Variants in HMCN2 observed in about 807,000 individuals in gnomAD.
HMCN2 encodes the protein hemicentin-2.
A neutral mutation model predicts 377.5 loss-of-function variants in HMCN2; 325 were observed. The observed-to-expected ratio is 0.86, with a 90% CI of 0.79 to 0.94. The LOEUF (loss-of-function observed/expected upper bound fraction) is 0.94, where lower values mean the gene tolerates loss of function less well. Ranked by LOEUF, HMCN2 falls within the 40% of genes least tolerant of loss-of-function variation. HMCN2 has a pLI of 0.00. For synonymous variants in HMCN2, 2,007 were observed against 2,046.8 expected, an observed-to-expected ratio of 0.98 and a Z score of 0.53; for missense variants, 4,543 against 4,725.3, an observed-to-expected ratio of 0.96 and a Z score of 1.13.
rs537745128 is a variant in HMCN2 at position 130,379,453 on chromosome 9, T to C, written c.8417T>C (p.Val2806Ala). The C allele has an allele frequency of 3.0e-6, 3 of 985,658 alleles. No individual in the cohort carries two copies. In the South Asian group the frequency reaches 1.4e-4, roughly 46 times the overall value. The allele number at this position is 985,658 out of a possible 1,614,324, so 61.1% of individuals were successfully genotyped here. A position where few individuals can be genotyped will look rare whatever the true frequency, so the allele number is the denominator to read the frequency against. The part of the protein sequence containing the change: ...EDQPLSAGDE[V>A]SVLQGGRVLQ... ...CAGCCCCTCTCGGCCGGGGATGAGG[T>C]GTCTGTGCTGCAAGGTGGGTCAGGG... The change falls in exon 54 of 98, where the codon GTG becomes GCG. Residue 2806 changes from valine to alanine, a missense_variant. Around this residue, in one of 5 missense-constraint regions of HMCN2, gnomAD observed 736 missense variants for 773.2 expected, o/e 0.95. Coordinates refer to ENST00000683500, the MANE Select transcript of HMCN2 (RefSeq NM_001291815.2).
chr9:130,372,171 A>G (rs927746492), intron 46 of HMCN2, 123 bp from the exon 47 acceptor site: 5 of 174,538 alleles, frequency 2.9e-5, no homozygotes, highest in Admixed American at 1.3e-4. Flanking sequence ...AACAGGACAC[A>G]ATGGGAGACA....
intron 1 of HMCN2, among the ~76,000 whole-genome samples, chr9:130,269,117 G>T (rs1323524070): frequency 6.7e-6 from 1 of 148,192 alleles, no homozygotes; most frequent in Non-Finnish European, 1.5e-5. Flanking sequence ...GCGGGTGCGG[G>T]GCAAATCGTG....
intron 85 of HMCN2, among the ~76,000 whole-genome samples, chr9:130,412,514 T>C (rs1463386240): frequency 6.6e-6 from 1 of 152,040 alleles, no homozygotes; most frequent in East Asian, 1.9e-4. Context: ...CTTTTAAAAA[T>C]CTTTGCCTAA....
chr9:130,295,804 A>G (rs1554931878), intron 6 of HMCN2, 32 bp downstream of exon 6: 2 of 468,148 alleles, frequency 4.3e-6, no homozygotes, highest in Non-Finnish European at 4.4e-6. Context: ...AGAAAGGTCG[A>G]CTAGCTTTAC....
At chr9:130,293,279 G>GTTTTTTTTTTCTTTT (rs1835902999) in intron 4 of HMCN2, among the ~76,000 whole-genome samples, 1 of 57,126 alleles carries the variant, frequency 1.8e-5, no homozygotes, top group Non-Finnish European at 2.7e-5. Flanking sequence ...ACTCACTAAA[G>GTTTTTTTTTTCTTTT]TTTTTTTTTT....
rs1401840355 is a variant in HMCN2 at position 130,408,899 on chromosome 9, T to C, written c.12845T>C (p.Leu4282Pro). 2.3e-6 allele frequency: 3 copies of C among 1,289,618 alleles called. No individual in the cohort carries two copies. The highest frequency in any genetic ancestry group is 3.0e-6 in the Non-Finnish European group (3 of 988,878). 79.9% of individuals were successfully genotyped at this position (1,289,618 alleles called of 1,614,324 possible). The change falls in exon 84 of 98, where the codon CTG becomes CCG. Residue 4282 changes from leucine (L) to proline (P), a missense_variant. Transcript: ENST00000683500. ...PLRGSHLRHQ[L>P]QNGSLTIRRT... The stretch of plus-strand genomic sequence containing the variant: ...CGGGGCAGCCACCTCCGGCACCAGC[T>C]GCAGAATGGCTCGCTGACCATCCGC...
At chr9:130,289,054 CGA>C (rs1835582298) in intron 4 of HMCN2, among the ~76,000 whole-genome samples, 3 of 152,214 alleles carry the variant, frequency 2.0e-5, no homozygotes, top group Non-Finnish European at 2.9e-5. Flanking sequence ...TCACTAGCCC[CGA>C]CAGTGGTGGG....
At chr9:130,404,342 G>T (rs1842987484) in intron 80 of HMCN2, among the ~76,000 whole-genome samples, 1 of 152,220 alleles carries the variant, frequency 6.6e-6, no homozygotes, top group Non-Finnish European at 1.5e-5. Flanking sequence ...GCTGGAGTCA[G>T]ACTCTGGCTG....
In HMCN2 at chr9:130,418,994, A is replaced by G; in HGVS notation, c.13184A>G (p.His4395Arg). 6.6e-7 allele frequency: 1 copy of G among 1,505,910 alleles called. No homozygotes were observed. The highest frequency in any genetic ancestry group is 8.9e-7 in the Non-Finnish European group (1 of 1,122,026). 93.3% of individuals were successfully genotyped at this position (1,505,910 alleles called of 1,614,324 possible). ...GCAGGCACCTACGACTGCGTCGCTC[A>G]CAACCTCCTGGGCTCTGCCACAGCC... ...GDAGTYDCVA[H>R]NLLGSATARA... The change falls in exon 86 of 98, where the codon CAC becomes CGC. Residue 4395 changes from histidine (H) to arginine (R), a missense_variant. By Grantham distance (29) the His-to-Arg change is conservative. Coordinates refer to ENST00000683500, the MANE Select transcript of HMCN2 (RefSeq NM_001291815.2).
At chr9:130,406,238 G>A (rs990523026) in intron 82 of HMCN2, 70 bp downstream of exon 82, 2 of 1,216,440 alleles carry the variant, frequency 1.6e-6, no homozygotes, top group Admixed American at 4.6e-5. Context: ...GAGGGCAGGT[G>A]GGGAGACCCA....
intron 54 of HMCN2, among the ~76,000 whole-genome samples, chr9:130,379,941 C>A (rs549111756): frequency 6.6e-6 from 1 of 152,070 alleles, no homozygotes; most frequent in African/African-American, 2.4e-5. Context: ...AATGGTGCAA[C>A]CTTGGCTCAC....
At chr9:130,358,117 C>A in intron 35 of HMCN2, 129 bp downstream of exon 35, 2 of 835,266 alleles carry the variant, frequency 2.4e-6, no homozygotes, top group Non-Finnish European at 3.3e-6. Flanking sequence ...GCCCTCTCAG[C>A]CTGAAAGGGT....
At chr9:130,406,340 G>A (rs1843092548) in intron 82 of HMCN2, 172 bp downstream of exon 82, 2 of 423,988 alleles carry the variant, frequency 4.7e-6, no homozygotes, top group Non-Finnish European at 4.3e-6. Flanking sequence ...AAACCCAGCT[G>A]TGGCCATATG....
At position 130,430,556 on chromosome 9, in the gene HMCN2, C is replaced by T. The variant is rs1198681204; in HGVS notation, c.14599C>T (p.Arg4867Trp). Residue 4867 changes from arginine (R) to tryptophan (W), a missense_variant, in exon 95 of 98, where the codon CGG becomes TGG. Transcript: ENST00000683500. The part of the protein sequence containing the change: ...PGPMALSSVG[R>W]AWCPPGFIRQ... The stretch of plus-strand genomic sequence containing the variant: ...TCCCATGGCCCTGAGCAGTGTGGGC[C>T]GGGCCTGGTGCCCTCCTGGTTTCAT... The T allele has an allele frequency of 2.4e-5, 37 of 1,550,358 alleles. No homozygotes were observed. Among genetic ancestry groups the T allele is most frequent in the Admixed American group, 1.2e-4 (6 of 50,968 alleles).
Position 130,422,705 on chromosome 9 carries a change from C to T in HMCN2, c.13360C>T (p.Arg4454Cys), listed in dbSNP as rs773598230. The part of the protein sequence containing the change: ...SGVSSIHSSI[R>C]HVPANVGPLM... Reference sequence around the variant, plus strand: ...GGTCAGCAGCATCCACAGCAGCATCCGCCATGTCCCAGCAAACGTGGGTGA... The same window carrying T: ...GGTCAGCAGCATCCACAGCAGCATCTGCCATGTCCCAGCAAACGTGGGTGA... The change falls in exon 87 of 98, where the codon CGC becomes TGC. Residue 4454 changes from arginine (R) to cysteine (C), a missense_variant. Coordinates refer to ENST00000683500, the MANE Select transcript of HMCN2 (RefSeq NM_001291815.2). This position sits in a 1 kb window ranked among gnomAD's most constrained non-coding sequence, Gnocchi z 4.2. 1.6e-5 allele frequency: 21 copies of T among 1,282,450 alleles called. 1 individual carries two copies. In the South Asian group the frequency reaches 4.2e-4, roughly 26 times the overall value. The allele number at this position is 1,282,450 out of a possible 1,614,324, so 79.4% of individuals were successfully genotyped here. A position where few individuals can be genotyped will look rare whatever the true frequency, so the allele number is the denominator to read the frequency against.
chr9:130,366,125 G>A (rs573397019), intron 43 of HMCN2, 130 bp downstream of exon 43: 4 of 684,028 alleles, frequency 5.8e-6, no homozygotes, highest in African/African-American at 3.9e-5. Context: ...AGGGGGTGGG[G>A]ATGCTGGTTA....
chr9:130,416,406 C>T (rs7854053), intron 85 of HMCN2, among the ~76,000 whole-genome samples: 4,427 of 152,210 alleles, frequency 0.029, 74 homozygotes, highest in African/African-American at 0.044. Flanking sequence ...CGCCTGGCCT[C>T]GACCTTCATT....
chr9:130,404,444 G>A (rs1842991941), intron 80 of HMCN2, among the ~76,000 whole-genome samples: 1 of 152,164 alleles, frequency 6.6e-6, no homozygotes, highest in African/African-American at 2.4e-5. Context: ...CTGGTCACCA[G>A]ACCAGCCAGA....
intron 75 of HMCN2, among the ~76,000 whole-genome samples, chr9:130,399,078 C>T (rs142993351): frequency 7.2e-5 from 11 of 151,798 alleles, no homozygotes; most frequent in African/African-American, 2.7e-4. Context: ...CATAGTGAGA[C>T]CCCATCTCTA....
Sources: gnomAD v4.1 joint callset for allele counts (sites outside exome capture counted in the v4.1 genomes callset) on GRCh38, gnomAD v4.1.1 for gene constraint, gnomAD v4.1.1 regional missense constraint, Gnocchi (gnomAD v3.1) non-coding constraint, MANE v1.5 for transcripts, NCBI Gene and HGNC (gene_info 2026-07-23, HGNC 2026-07-21) for gene names.